CTNNA3: variants seen among roughly 807,000 people sequenced by gnomAD.
CTNNA3 encodes the protein catenin alpha-3.
Under a neutral mutation model 95.7 loss-of-function variants are expected in CTNNA3, and 76 were observed. That is an observed-to-expected ratio of 0.79 (90% CI 0.66 to 0.96). The LOEUF (loss-of-function observed/expected upper bound fraction) is 0.96, where lower values mean the gene tolerates loss of function less well. Among genes scored for constraint, CTNNA3 ranks in the 40% least tolerant of loss-of-function variants. CTNNA3 has a pLI of 0.00. For synonymous variants in CTNNA3, 431 were observed against 374.4 expected, an observed-to-expected ratio of 1.15 and a Z score of -1.74; for missense variants, 1,191 against 1,089.8, an observed-to-expected ratio of 1.09 and a Z score of -1.31.
At chr10:67,111,072 T>A (rs1043277458) in intron 7 of CTNNA3, among the ~76,000 whole-genome samples, 2 of 152,124 alleles carry the variant, frequency 1.3e-5, no homozygotes, top group Non-Finnish European at 2.9e-5. Flanking sequence ...GAGAATAATA[T>A]ATTACTCTGC....
intron 9 of CTNNA3, among the ~76,000 whole-genome samples, chr10:66,738,902 T>C (rs543071509): frequency 5.9e-5 from 9 of 152,358 alleles, no homozygotes; most frequent in Non-Finnish European, 8.8e-5. Context: ...ATTTGCTTTA[T>C]AAATGTGTTG....
chr10:67,619,494 A>G (rs1843758305), intron 2 of CTNNA3, among the ~76,000 whole-genome samples: 1 of 152,202 alleles, frequency 6.6e-6, no homozygotes, highest in African/African-American at 2.4e-5. Flanking sequence ...TAAATGTAAG[A>G]CCAAAAATTA....
At chr10:66,749,927 G>A (rs1589212812) in intron 9 of CTNNA3, among the ~76,000 whole-genome samples, 1 of 152,300 alleles carries the variant, frequency 6.6e-6, no homozygotes, top group Middle Eastern at 3.4e-3. Context: ...ATGTGTAATA[G>A]TATCTTGTTG....
At chr10:66,124,919 G>A (rs1239713684) in intron 13 of CTNNA3, among the ~76,000 whole-genome samples, 1 of 152,058 alleles carries the variant, frequency 6.6e-6, no homozygotes, top group African/African-American at 2.4e-5. Context: ...ATTTTGGAGG[G>A]GACACAGCCA....
At chr10:66,744,280 T>C (rs961485544) in intron 9 of CTNNA3, among the ~76,000 whole-genome samples, 1 of 152,184 alleles carries the variant, frequency 6.6e-6, no homozygotes, top group African/African-American at 2.4e-5. Flanking sequence ...TTTTATTCCT[T>C]TGAATTGGCC....
At chr10:66,620,284 A>T (rs577642150) in intron 10 of CTNNA3, among the ~76,000 whole-genome samples, 118 of 152,256 alleles carry the variant, frequency 7.8e-4, no homozygotes, top group South Asian at 2.5e-3. Context: ...AAAATTATTT[A>T]AAAAATATTT....
intron 7 of CTNNA3, among the ~76,000 whole-genome samples, chr10:66,837,302 A>C (rs1165994677): frequency 1.3e-5 from 2 of 152,132 alleles, no homozygotes; most frequent in Non-Finnish European, 2.9e-5. Context: ...TTTTCTCTAC[A>C]TACTAATTAA....
chr10:66,077,996 C>T (rs1439362633), intron 14 of CTNNA3, among the ~76,000 whole-genome samples: 1 of 151,698 alleles, frequency 6.6e-6, no homozygotes, highest in African/African-American at 2.4e-5. Flanking sequence ...GAGGACCAAC[C>T]CCAGGACTTC....
chr10:66,724,621 A>G (rs1848725973), intron 9 of CTNNA3, among the ~76,000 whole-genome samples: 1 of 152,208 alleles, frequency 6.6e-6, no homozygotes, highest in Non-Finnish European at 1.5e-5. Context: ...TCATCTCGAA[A>G]TTTAAAAGCT....
intron 9 of CTNNA3, among the ~76,000 whole-genome samples, chr10:66,714,655 C>T (rs910290088): frequency 3.9e-5 from 6 of 152,112 alleles, no homozygotes; most frequent in Non-Finnish European, 5.9e-5. Context: ...CATCACATCA[C>T]TCAGGAGTTG....
intron 1 of CTNNA3, chr10:67,751,298 T>G: frequency 1.1e-6 from 1 of 940,366 alleles, no homozygotes; most frequent in Non-Finnish European, 1.7e-6. Context: ...ACATCTCCAC[T>G]CAAGTCCTAT....
intron 11 of CTNNA3, among the ~76,000 whole-genome samples, chr10:66,417,076 A>C (rs1312173240): frequency 6.6e-6 from 1 of 152,076 alleles, no homozygotes; most frequent in African/African-American, 2.4e-5. Flanking sequence ...TAAATTCTTC[A>C]CTTAAAAGCT....
chr10:67,263,377 AT>A (rs1866691810), intron 5 of CTNNA3, among the ~76,000 whole-genome samples: 1 of 152,180 alleles, frequency 6.6e-6, no homozygotes, highest in African/African-American at 2.4e-5. Context: ...TCTGAGAGAT[AT>A]AAGTCAGAGG....
intron 5 of CTNNA3, among the ~76,000 whole-genome samples, chr10:67,489,780 A>T (rs1015402737): frequency 5.5e-5 from 8 of 146,508 alleles, no homozygotes; most frequent in African/African-American, 2.0e-4. Context: ...TATTTATAAT[A>T]CATGATTTTA....
intron 2 of CTNNA3, among the ~76,000 whole-genome samples, chr10:67,618,603 G>A (rs1217599725): frequency 6.6e-6 from 1 of 151,938 alleles, no homozygotes; most frequent in Non-Finnish European, 1.5e-5. Context: ...TTTTATTGAC[G>A]ATATCCAGGA....
chr10:66,275,173 A>G (rs2132142470), intron 13 of CTNNA3, among the ~76,000 whole-genome samples: 2 of 152,184 alleles, frequency 1.3e-5, no homozygotes, highest in Middle Eastern at 6.8e-3. Flanking sequence ...TCTGGAGTGC[A>G]ATGGCATGAT....
intron 11 of CTNNA3, among the ~76,000 whole-genome samples, chr10:66,400,925 C>T (rs1207046143): frequency 6.6e-6 from 1 of 152,000 alleles, no homozygotes; most frequent in African/African-American, 2.4e-5. Context: ...AGCCTGGTAC[C>T]TACTGTCTGA....
chr10:66,208,938 A>C (rs983358328), intron 13 of CTNNA3, among the ~76,000 whole-genome samples: 1 of 151,896 alleles, frequency 6.6e-6, no homozygotes, highest in Non-Finnish European at 1.5e-5. Flanking sequence ...TCCCACCAAA[A>C]CCATCCTAAG....
chr10:66,566,157 T>A (rs1196515641), intron 10 of CTNNA3, among the ~76,000 whole-genome samples: 1 of 152,034 alleles, frequency 6.6e-6, no homozygotes, highest in Non-Finnish European at 1.5e-5. Flanking sequence ...TAACTAAGAG[T>A]AGAGCCTGCA....
Sources: gnomAD v4.1 joint callset for allele counts (sites outside exome capture counted in the v4.1 genomes callset) on GRCh38, gnomAD v4.1.1 for gene constraint, MANE v1.5 for transcripts, NCBI Gene and HGNC (gene_info 2026-07-23, HGNC 2026-07-21) for gene names.